The following RPL7L1 variants were observed in gnomAD, a reference collection of about 807,000 sequenced individuals.
RPL7L1 encodes the protein ribosomal protein uL30-like.
In RPL7L1, 20 loss-of-function variants were observed where a neutral mutation model predicts 30.3. That is an observed-to-expected ratio of 0.66 (90% CI 0.46 to 0.96). The LOEUF (loss-of-function observed/expected upper bound fraction) is 0.96. Ranked by LOEUF, RPL7L1 falls within the 40% of genes least tolerant of loss-of-function variation. The probability of loss-of-function intolerance (pLI) is 0.00; values close to 1 mark genes in which losing one functional copy is unlikely to be tolerated. For synonymous variants in RPL7L1, 107 were observed against 110.1 expected (o/e 0.97, Z 0.18); for missense variants, 271 against 314.9 (o/e 0.86, Z 1.05).
At chr6:42,883,799 T>C in intron 3 of RPL7L1, 185 bp downstream of exon 3, 1 of 401,710 alleles carries the variant, frequency 2.5e-6, no homozygotes, top group Non-Finnish European at 4.4e-6. Context: ...TGAAAATAAG[T>C]GCTATGAGGG....
At chr6:42,881,436 G>C (rs921153534) in intron 2 of RPL7L1, 3 of 152,532 alleles carry the variant, frequency 2.0e-5, no homozygotes, top group African/African-American at 7.2e-5. Flanking sequence ...CTGTACTCCA[G>C]CCTGGGCGAC....
At position 42,880,451 on chromosome 6, in the gene RPL7L1, G is replaced by A. The variant is rs540274641; in HGVS notation, c.42-410G>A. The A allele has an allele frequency of 2.2e-5, 5 of 226,014 alleles. No individual in the cohort carries two copies. In the Admixed American group the frequency reaches 2.6e-4, roughly 12 times the overall value. The allele number at this position is 226,014 out of a possible 1,614,324, so 14.0% of individuals were successfully genotyped here. A position where few individuals can be genotyped will look rare whatever the true frequency, so the allele number is the denominator to read the frequency against. ...TCTTCAGATACTTGAAAACAGTAAT[G>A]TTCCCTAAAGCCCAGGATATTGAAT... On this transcript the variant is annotated intron_variant, in intron 1 of 5. Transcript: ENST00000493763.
At chr6:42,884,567 A>G (rs946669465) in intron 3 of RPL7L1, 46 bp from the exon 4 acceptor site, 2 of 1,593,288 alleles carry the variant, frequency 1.3e-6, no homozygotes, top group African/African-American at 1.3e-5. Context: ...CTGGACTGAC[A>G]TAAACTGGAG....
At chr6:42,880,407 C>T (rs1025587705) in intron 1 of RPL7L1, among the ~76,000 whole-genome samples, 3 of 152,128 alleles carry the variant, frequency 2.0e-5, no homozygotes, top group African/African-American at 7.2e-5. Context: ...TCAGAAACCG[C>T]AGGTTTCAGG....
chr6:42,882,490 G>A (rs1469967983), intron 2 of RPL7L1: 1 of 151,732 alleles, frequency 6.6e-6, no homozygotes, highest in East Asian at 1.9e-4. Flanking sequence ...CTAATCAGGG[G>A]GCTGAGGCAG....
rs1765994483 is a variant in RPL7L1, at chr6:42,879,660, G to C, written c.-251G>C. On this transcript the variant is annotated 5_prime_UTR_variant, in exon 1 of 6. Transcript: ENST00000493763. ...ATAGGTGCATTGTGGGAAGCACTTT[G>C]CTGTCCACAGCCAGGCCGCTTGTGA... 2.3e-6 allele frequency: 1 copy of C among 434,416 alleles called. No individual in the cohort carries two copies. The highest frequency in any genetic ancestry group is 4.3e-6 in the Non-Finnish European group (1 of 232,930). The allele number at this position is 434,416 out of a possible 1,614,324, so 26.9% of individuals were successfully genotyped here.
intron 3 of RPL7L1, among the ~76,000 whole-genome samples, chr6:42,884,192 A>G (rs190903496): frequency 6.6e-6 from 1 of 152,252 alleles, no homozygotes; most frequent in Non-Finnish European, 1.5e-5. Context: ...GAACTATTGT[A>G]TTAACCTTCC....
At chr6:42,884,283 T>C (rs1451343618) in intron 3 of RPL7L1, among the ~76,000 whole-genome samples, 1 of 152,194 alleles carries the variant, frequency 6.6e-6, no homozygotes, top group East Asian at 1.9e-4. Flanking sequence ...AGAAATCTGG[T>C]CTGGTCTCTT....
chr6:42,881,148 G>T lies in RPL7L1; in HGVS notation c.147+182G>T, dbSNP rs1003460332. ...GACTCCCACAGATGCCTAAATCTCA[G>T]ACTGCTGAAGTCCCTTATATAAAAT... On this transcript the variant is annotated intron_variant, in intron 2 of 5. Coordinates refer to ENST00000493763, the MANE Select transcript of RPL7L1 (RefSeq NM_001366481.3). The T allele has an allele frequency of 2.9e-4, 152 of 523,082 alleles. 1 individual carries two copies. Among genetic ancestry groups the T allele is most frequent in the Middle Eastern group, 1.7e-3 (6 of 3,532 alleles). 32.4% of individuals were successfully genotyped at this position (523,082 alleles called of 1,614,324 possible). A position where few individuals can be genotyped will look rare whatever the true frequency, so the allele number is the denominator to read the frequency against.
At chr6:42,880,701 G>A (rs993873277) in intron 1 of RPL7L1, 160 bp from the exon 2 acceptor site, 4 of 457,246 alleles carry the variant, frequency 8.7e-6, no homozygotes, top group East Asian at 4.5e-5. Context: ...TAGTAGAAAC[G>A]GGGGTTTCAC....
Position 42,884,730 on chromosome 6 carries a change from G to A in RPL7L1, c.429G>A (p.Val143=). 5 of 1,613,700 alleles carry A rather than the reference G, an allele frequency of 3.1e-6. No individual in the cohort carries two copies. The highest frequency in any genetic ancestry group is 3.4e-6 in the Non-Finnish European group (4 of 1,179,812). The change falls in exon 4 of 6, where the codon GTG becomes GTA. Residue 143 remains valine, a synonymous_variant. Transcript: ENST00000493763. ...AGAATCTAAAAATGCTGCGTATAGT[G>A]GAACCTTATGTGACCTGGGGGTAAG... ...TPQNLKMLRI[V]EPYVTWGFPN... is the part of the protein sequence containing the mutation.
chr6:42,879,872 CAG>C lies in RPL7L1; in HGVS notation c.-36_-35del, dbSNP rs1203365399. 21 of 1,610,092 alleles carry C rather than the reference CAG, an allele frequency of 1.3e-5. No individual in the cohort carries two copies. Among genetic ancestry groups the C allele is most frequent in the South Asian group, 4.4e-5 (4 of 90,978 alleles). ...ACAGACGTCTCTATGGTCAAGTAAA[CAG>C]AGCGTGTGCTGTCTTCCCCATGTGG... On this transcript the variant is annotated 5_prime_UTR_variant, in exon 1 of 6. Transcript: ENST00000493763.
rs1378250274 is a variant in RPL7L1, at chr6:42,888,132, T to TAGG, written c.*1668_*1669insAGG. On this transcript the variant is annotated 3_prime_UTR_variant, in exon 6 of 6. Coordinates refer to ENST00000493763, the MANE Select transcript of RPL7L1 (RefSeq NM_001366481.3). Reference sequence around the variant, plus strand: ...TTGCAGTTCTAGGGTGTTTAGACCCTTCTCAGATACCTGTGCATCTTATGG... The same window carrying TAGG: ...TTGCAGTTCTAGGGTGTTTAGACCCTAGGTCTCAGATACCTGTGCATCTTATGG... 1 of 152,336 alleles carries TAGG rather than the reference T, an allele frequency of 6.6e-6. No individual in the cohort carries two copies. The highest frequency in any genetic ancestry group is 1.9e-4 in the East Asian group (1 of 5,188). The allele number at this position is 152,336 out of a possible 1,614,324, so 9.4% of individuals were successfully genotyped here. A position where few individuals can be genotyped will look rare whatever the true frequency, so the allele number is the denominator to read the frequency against.
Position 42,888,061 on chromosome 6 carries a change from T to C in RPL7L1, c.*1597T>C, listed in dbSNP as rs569506364. 1 of 151,686 alleles carries C rather than the reference T, an allele frequency of 6.6e-6. No homozygotes were observed. Among genetic ancestry groups the C allele is most frequent in the Non-Finnish European group, 1.5e-5 (1 of 67,954 alleles). 9.4% of individuals were successfully genotyped at this position (151,686 alleles called of 1,614,324 possible). A position where few individuals can be genotyped will look rare whatever the true frequency, so the allele number is the denominator to read the frequency against. On this transcript the variant is annotated 3_prime_UTR_variant, in exon 6 of 6. Coordinates refer to ENST00000493763, the MANE Select transcript of RPL7L1 (RefSeq NM_001366481.3). ...TTCCTAAAAGCTCAGGATTTGAGAA[T>C]GAGGACCCCTTCGCCAGGAAAACAT...
chr6:42,883,789 T>A (rs370845661), intron 3 of RPL7L1, 175 bp downstream of exon 3: 1 of 419,454 alleles, frequency 2.4e-6, no homozygotes, highest in Non-Finnish European at 4.2e-6. Context: ...CAGATAGGCT[T>A]GAAAATAAGT....
chr6:42,888,488 C>CA lies in RPL7L1; in HGVS notation c.*2026dup, dbSNP rs1436662554. The CA allele has an allele frequency of 6.6e-6, 1 of 152,186 alleles. No homozygotes were observed. The highest frequency in any genetic ancestry group is 1.5e-5 in the Non-Finnish European group (1 of 68,044). The allele number at this position is 152,186 out of a possible 1,614,324, so 9.4% of individuals were successfully genotyped here. On this transcript the variant is annotated 3_prime_UTR_variant, in exon 6 of 6. Coordinates refer to ENST00000493763, the MANE Select transcript of RPL7L1 (RefSeq NM_001366481.3). ...GTACCTTATGTGAGGAAGTCCTGCT[C>CA]AATCAGGATCGGTCACGCAGGCCCT...
rs1391038979 is a variant in RPL7L1, at chr6:42,888,993, A to C, written c.*2529A>C. On this transcript the variant is annotated 3_prime_UTR_variant, in exon 6 of 6. Coordinates refer to ENST00000493763, the MANE Select transcript of RPL7L1 (RefSeq NM_001366481.3). ...GTTGCCCCTCACTTGCCATCTGAGC[A>C]ATTGGCAAGGATGTGCCAGGCCTAG... The C allele has an allele frequency of 6.6e-6, 1 of 152,174 alleles. No homozygotes were observed. Among genetic ancestry groups the C allele is most frequent in the African/African-American group, 2.4e-5 (1 of 41,440 alleles). The allele number at this position is 152,174 out of a possible 1,614,324, so 9.4% of individuals were successfully genotyped here. A position where few individuals can be genotyped will look rare whatever the true frequency, so the allele number is the denominator to read the frequency against.
intron 1 of RPL7L1, chr6:42,880,446 G>GTA (rs1766030173): frequency 4.4e-6 from 1 of 226,872 alleles, no homozygotes; most frequent in Non-Finnish European, 8.9e-6. Flanking sequence ...CTTGAAAACA[G>GTA]TAATGTTCCC....
chr6:42,887,561 C>G lies in RPL7L1; in HGVS notation c.*1097C>G, dbSNP rs1199646657. On this transcript the variant is annotated 3_prime_UTR_variant, in exon 6 of 6. Transcript: ENST00000493763. ...TCACGCCATTGCACTCCAGCCTGGGCAACAAGCGAAACTCTGTCTCAAAAA... is the reference window on the plus strand; with the variant it reads ...TCACGCCATTGCACTCCAGCCTGGGGAACAAGCGAAACTCTGTCTCAAAAA... The G allele has an allele frequency of 6.6e-6, 1 of 151,978 alleles. No individual in the cohort carries two copies. Among genetic ancestry groups the G allele is most frequent in the Non-Finnish European group, 1.5e-5 (1 of 68,034 alleles). The allele number at this position is 151,978 out of a possible 1,614,324, so 9.4% of individuals were successfully genotyped here.
Sources: gnomAD v4.1 joint callset for allele counts (sites outside exome capture counted in the v4.1 genomes callset) on GRCh38, gnomAD v4.1.1 for gene constraint, MANE v1.5 for transcripts, NCBI Gene and HGNC (gene_info 2026-07-23, HGNC 2026-07-21) for gene names.